ODR4: variants seen among roughly 807,000 people sequenced by gnomAD.
ODR4 encodes the protein odr-4 GPCR localization factor homolog.
Under a neutral mutation model 60.2 loss-of-function variants are expected in ODR4, and 47 were observed. That is an observed-to-expected ratio of 0.78 (90% CI 0.62 to 1.00). The LOEUF is 1.00. ODR4 is among the 50% of genes least tolerant of loss of function. ODR4 has a pLI of 0.00. For synonymous variants in ODR4, 178 were observed against 175.5 expected (o/e 1.01, Z -0.11); for missense variants, 488 against 530.8 (o/e 0.92, Z 0.79).
At chr1:186,378,461 T>G (rs2102008618) in intron 1 of ODR4, among the ~76,000 whole-genome samples, 1 of 152,362 alleles carries the variant, frequency 6.6e-6, no homozygotes. Flanking sequence ...GCCTAGCTCT[T>G]TTATTCAATA....
chr1:186,422,290 A>G (rs1661806631), downstream of ODR4, among the ~76,000 whole-genome samples: 1 of 152,174 alleles, frequency 6.6e-6, no homozygotes, highest in Non-Finnish European at 1.5e-5. Flanking sequence ...CTATATAATA[A>G]TTTTCAGTGT....
At chr1:186,388,281 A>G (rs1003135979) in intron 4 of ODR4, among the ~76,000 whole-genome samples, 161 bp from the exon 5 acceptor site, 5 of 152,352 alleles carry the variant, frequency 3.3e-5, no homozygotes, top group Middle Eastern at 3.4e-3. Flanking sequence ...CAGGTGTTCA[A>G]GGCCAGCTTG....
chr1:186,414,190 G>A (rs1661469664), intron 12 of ODR4, among the ~76,000 whole-genome samples: 1 of 152,000 alleles, frequency 6.6e-6, no homozygotes, highest in African/African-American at 2.4e-5. Flanking sequence ...AAAACATTCT[G>A]CTTCGGTAAA....
At chr1:186,424,129 G>A (rs1218154494), downstream of ODR4, among the ~76,000 whole-genome samples, 3 of 152,152 alleles carry the variant, frequency 2.0e-5, no homozygotes, top group Non-Finnish European at 4.4e-5. Flanking sequence ...GAGAATGCTT[G>A]TGGCAGCCCT....
rs1660237176 is a variant in ODR4 at position 186,386,029 on chromosome 1, A to G, written c.276A>G (p.Val92=). Residue 92 remains valine (V), a synonymous_variant, in exon 4 of 14, where the codon GTA becomes GTG. Transcript: ENST00000287859. The part of the protein sequence containing the change: ...MLPGGLLVLG[V]FIITTLELAN... ...CAGGGGGACTTTTAGTTCTTGGAGTATTTATTATTACTACTTTAGAACTGG... is the reference window on the plus strand; with the variant it reads ...CAGGGGGACTTTTAGTTCTTGGAGTGTTTATTATTACTACTTTAGAACTGG... 6.2e-7 allele frequency: 1 copy of G among 1,606,220 alleles called. No individual in the cohort carries two copies. Among genetic ancestry groups the G allele is most frequent in the East Asian group, 2.2e-5 (1 of 44,624 alleles).
chr1:186,410,658 C>CT (rs1006654660), intron 12 of ODR4, among the ~76,000 whole-genome samples: 44 of 152,114 alleles, frequency 2.9e-4, no homozygotes, highest in African/African-American at 1.1e-3. Flanking sequence ...AGAAAAAAGT[C>CT]TCTATTATAG....
intron 11 of ODR4, among the ~76,000 whole-genome samples, chr1:186,404,530 T>A (rs949088456): frequency 1.3e-5 from 2 of 152,212 alleles, no homozygotes; most frequent in African/African-American, 4.8e-5. Flanking sequence ...TTAATCTGTT[T>A]CAAGTAACTG....
At chr1:186,416,780 T>A (rs1661586536) in intron 12 of ODR4, among the ~76,000 whole-genome samples, 1 of 138,920 alleles carries the variant, frequency 7.2e-6, no homozygotes, top group Admixed American at 8.1e-5. Context: ...CACTTGAACC[T>A]GGGAGGCAGA....
downstream of ODR4, among the ~76,000 whole-genome samples, chr1:186,426,255 CAACCTCAA>C (rs1463348431): frequency 6.6e-6 from 1 of 152,194 alleles, no homozygotes; most frequent in Non-Finnish European, 1.5e-5. Flanking sequence ...CCACAACAAA[CAACCTCAA>C]AACTTAGTGG....
the ODR4 span, among the ~76,000 whole-genome samples, chr1:186,429,928 G>A: frequency 1.3e-5 from 2 of 152,072 alleles, no homozygotes; most frequent in Admixed American, 1.3e-4. Context: ...TTATTAAAAG[G>A]TAAATTAATA....
At chr1:186,401,150 C>G in intron 11 of ODR4, 1 of 1,595,588 alleles carries the variant, frequency 6.3e-7, no homozygotes, top group Non-Finnish European at 8.6e-7. Context: ...TATGGCTATC[C>G]TGGTATTCTT....
the ODR4 span, among the ~76,000 whole-genome samples, chr1:186,431,324 CAG>C: frequency 2.0e-5 from 3 of 152,026 alleles, no homozygotes; most frequent in Non-Finnish European, 4.4e-5. Flanking sequence ...GTGGAATTGC[CAG>C]AGAGTGGTAA....
At position 186,419,619 on chromosome 1, in the gene ODR4, G is replaced by C. The variant is rs1661706556; in HGVS notation, c.*543G>C. ...TCCCAACTACTTGGAGGCTGAAGCA[G>C]GAAGATCACGTGAGCCCAGGAGTTT... On this transcript the variant is annotated 3_prime_UTR_variant, in exon 14 of 14. Coordinates refer to ENST00000287859, the MANE Select transcript of ODR4 (RefSeq NM_017847.6). The C allele has an allele frequency of 1.3e-5, 2 of 153,116 alleles. No individual in the cohort carries two copies. Among genetic ancestry groups the C allele is most frequent in the African/African-American group, 4.8e-5 (2 of 41,408 alleles). 9.5% of individuals were successfully genotyped at this position (153,116 alleles called of 1,614,324 possible).
Position 186,419,038 on chromosome 1 carries a change from C to T in ODR4, c.1327C>T (p.Leu443Phe), listed in dbSNP as rs1661689931. 1.2e-6 allele frequency: 2 copies of T among 1,610,470 alleles called. No individual in the cohort carries two copies. Among genetic ancestry groups the T allele is most frequent in the East Asian group, 4.5e-5 (2 of 44,824 alleles). ...GVIAAFTVAV[L>F]AAGISFHYFS... The stretch of plus-strand genomic sequence containing the variant: ...GATTGCAGCATTTACAGTTGCAGTC[C>T]TTGCTGCGGGTATCTCCTTTCATTA... The change falls in exon 14 of 14, where the codon CTT becomes TTT. Residue 443 changes from leucine (L) to phenylalanine (F), a missense_variant. Physicochemically the swap from Leu to Phe is conservative, Grantham distance 22. Transcript: ENST00000287859.
At chr1:186,424,117 G>T (rs555430249), downstream of ODR4, among the ~76,000 whole-genome samples, 1 of 152,298 alleles carries the variant, frequency 6.6e-6, no homozygotes, top group East Asian at 1.9e-4. Context: ...GAGTACACAT[G>T]TGAGAATGCT....
downstream of ODR4, among the ~76,000 whole-genome samples, chr1:186,425,032 A>C (rs1196721157): frequency 2.6e-5 from 4 of 152,022 alleles, no homozygotes; most frequent in African/African-American, 9.7e-5. Context: ...GCAAGAAAGA[A>C]ATTGATGGCA....
chr1:186,412,871 A>T (rs550678813), intron 12 of ODR4, among the ~76,000 whole-genome samples: 2 of 152,156 alleles, frequency 1.3e-5, no homozygotes, highest in Non-Finnish European at 2.9e-5. Flanking sequence ...ACACATTATT[A>T]GGCTTTTAAA....
Position 186,384,927 on chromosome 1 carries a change from G to A in ODR4, c.235-1061G>A, listed in dbSNP as rs985590574. ...CTCTGATTGATTGCTTGTACATTAA[G>A]TAATCAAAAGCTAACCAAAACACTC... On this transcript the variant is annotated intron_variant, in intron 3 of 13. Coordinates refer to ENST00000287859, the MANE Select transcript of ODR4 (RefSeq NM_017847.6). Among the ~76,000 whole-genome samples the A allele has an allele frequency of 2.6e-5, 4 of 152,038 alleles. No homozygotes were observed. The East Asian group carries it at 7.7e-4, about 29-fold the overall frequency.
chr1:186,426,926 A>T, the ODR4 span, among the ~76,000 whole-genome samples: 5 of 152,198 alleles, frequency 3.3e-5, no homozygotes, highest in African/African-American at 9.7e-5. Flanking sequence ...CAATAGCAGT[A>T]TGTCTAAATA....
Sources: gnomAD v4.1 joint callset for allele counts (sites outside exome capture counted in the v4.1 genomes callset) on GRCh38, gnomAD v4.1.1 for gene constraint, MANE v1.5 for transcripts, NCBI Gene and HGNC (gene_info 2026-07-23, HGNC 2026-07-21) for gene names.